Variants in A2ML1 observed in about 807,000 individuals in gnomAD.
A2ML1 encodes the protein alpha-2-macroglobulin-like protein 1.
A2ML1 carries 161 observed loss-of-function variants against 181.9 expected under a neutral mutation model. The observed-to-expected ratio is 0.89, with a 90% confidence interval of 0.78 to 1.01. The LOEUF is 1.01. A2ML1 is among the 50% of genes least tolerant of loss of function. The pLI is 0.00. For missense variants in A2ML1, 1,670 were observed against 1,768.1 expected, an observed-to-expected ratio of 0.94 and a Z score of 1.00; for synonymous variants, 663 against 666.8, an observed-to-expected ratio of 0.99 and a Z score of 0.09.
intron 33 of A2ML1, among the ~76,000 whole-genome samples, chr12:8,870,703 C>G (rs1213117328): frequency 3.3e-5 from 5 of 152,246 alleles, no homozygotes; most frequent in African/African-American, 1.2e-4. Flanking sequence ...TACAGCCACC[C>G]TCCTTAGACA....
At chr12:8,835,688 C>T (rs746957125) in intron 6 of A2ML1, 22 bp downstream of exon 6, 1 of 1,613,532 alleles carries the variant, frequency 6.2e-7, no homozygotes, top group African/African-American at 1.3e-5. Context: ...AATGGACAGG[C>T]CAAAGTATTG....
chr12:8,851,666 A>G, intron 18 of A2ML1, 118 bp from the exon 19 acceptor site: 1 of 938,060 alleles, frequency 1.1e-6, no homozygotes, highest in Non-Finnish European at 1.6e-6. Context: ...TCAGCCTCTC[A>G]AAGAGCTGGG....
exon 8 of A2ML1, chr12:8,886,901 T>A (rs1226311010): frequency 1.3e-5 from 2 of 152,146 alleles, no homozygotes; most frequent in Non-Finnish European, 2.9e-5. Flanking sequence ...CCCAGCACTT[T>A]CGGAGGCCAA....
At chr12:8,844,922 A>G (rs1270859108) in intron 12 of A2ML1, 4 of 1,207,858 alleles carry the variant, frequency 3.3e-6, no homozygotes, top group Non-Finnish European at 4.2e-6. Context: ...CCTGCTTGCA[A>G]ACAAGATCAC....
At chr12:8,887,395 C>G (rs1292286803), downstream of A2ML1, among the ~76,000 whole-genome samples, 7 of 152,264 alleles carry the variant, frequency 4.6e-5, no homozygotes. Context: ...CTGTAAGCTC[C>G]TGTTTTTCTT....
chr12:8,875,749 T>C (rs1314328503), intron 35 of A2ML1: 10 of 148,306 alleles, frequency 6.7e-5, no homozygotes, highest in Non-Finnish European at 1.3e-4. Context: ...TGTCCTAAAC[T>C]CTTGAAAATA....
intron 5 of A2ML1, 122 bp from the exon 6 acceptor site, chr12:8,835,385 C>A (rs1943238377): frequency 8.2e-7 from 1 of 1,214,900 alleles, no homozygotes; most frequent in Non-Finnish European, 1.2e-6. Flanking sequence ...TGGACACAGA[C>A]CACAGGGGTC....
chr12:8,835,002 C>CATTGG lies in A2ML1; in HGVS notation c.483+320_483+321insATTGG, dbSNP rs1943226749. On this transcript the variant is annotated intron_variant, in intron 5 of 35. Transcript: ENST00000299698. ...TACTCCCCTTAGTGTAAGGTAATAG[C>CATTGG]CCTTGCCATAGGCATTCTCAACAGG... is the stretch of plus-strand genomic sequence containing the variant. 3.1e-5 allele frequency: 12 copies of CATTGG among 382,252 alleles called. 1 individual carries two copies. The Admixed American group carries it at 3.4e-4, about 11-fold the overall frequency. 23.7% of individuals were successfully genotyped at this position (382,252 alleles called of 1,614,324 possible).
rs377672586 is a variant in A2ML1, at chr12:8,837,459, A to C, written c.748A>C (p.Met250Leu). The C allele has an allele frequency of 4.3e-6, 7 of 1,613,986 alleles. No individual in the cohort carries two copies. The highest frequency in any genetic ancestry group is 5.9e-6 in the Non-Finnish European group (7 of 1,179,966). Reference protein sequence around the residue: ...ICCRYTYGKPMLGAVQVSVCQ... With the variant: ...ICCRYTYGKPLLGAVQVSVCQ... ...GGTTAGGTACACCTATGGAAAGCCC[A>C]TGCTAGGGGCAGTGCAGGTATCTGT... The change falls in exon 8 of 36, where the codon ATG becomes CTG. Residue 250 changes from methionine (M) to leucine (L), a missense_variant. Transcript: ENST00000299698.
chr12:8,869,169 T>A lies in A2ML1; in HGVS notation c.4187T>A (p.Phe1396Tyr), dbSNP rs781733365. 1 of 1,614,114 alleles carries A rather than the reference T, an allele frequency of 6.2e-7. No homozygotes were observed. Among genetic ancestry groups the A allele is most frequent in the Non-Finnish European group, 8.5e-7 (1 of 1,180,034 alleles). The change falls in exon 33 of 36, where the codon TTT (phenylalanine) becomes TAT (tyrosine). Residue 1396 changes from phenylalanine (F) to tyrosine (Y), a missense_variant. Coordinates refer to ENST00000299698, the MANE Select transcript of A2ML1 (RefSeq NM_144670.6). ...LQQPLVKKVE[F>Y]GTDTLNIYLD... Reference sequence around the variant, plus strand: ...CAACCCCTGGTGAAGAAGGTTGAATTTGGAACTGACACACTTAACATTTAC... The same window carrying A: ...CAACCCCTGGTGAAGAAGGTTGAATATGGAACTGACACACTTAACATTTAC...
At chr12:8,823,070 C>T in intron 1 of A2ML1, 112 bp from the exon 2 acceptor site, 1 of 1,063,182 alleles carries the variant, frequency 9.4e-7, no homozygotes. Flanking sequence ...ATAAGGAAGG[C>T]AGGGGCTTGG....
intron 34 of A2ML1, 114 bp from the exon 35 acceptor site, chr12:8,874,857 T>C: frequency 1.0e-6 from 1 of 974,770 alleles, no homozygotes; most frequent in Non-Finnish European, 1.6e-6. Flanking sequence ...CTGAATATGC[T>C]CATAACCTGT....
chr12:8,832,964 G>A (rs952230890), intron 4 of A2ML1, among the ~76,000 whole-genome samples: 13 of 143,948 alleles, frequency 9.0e-5, no homozygotes, highest in Non-Finnish European at 1.8e-4. Context: ...ACTTCCAGTC[G>A]GAAATGCTAC....
At chr12:8,857,371 A>C (rs781508073) in intron 24 of A2ML1, 31 bp downstream of exon 24, 1 of 1,609,066 alleles carries the variant, frequency 6.2e-7, no homozygotes, top group South Asian at 1.1e-5. Context: ...TTTCTTGAAC[A>C]CTCTCCTCCA....
chr12:8,839,343 T>C, intron 10 of A2ML1, 121 bp downstream of exon 10: 1 of 605,778 alleles, frequency 1.7e-6, no homozygotes, highest in Non-Finnish European at 2.8e-6. Flanking sequence ...TGTGTATTCA[T>C]TTTAATCTTT....
rs140641728 is a variant in A2ML1 at position 8,853,001 on chromosome 12, T to C, written c.2590+665T>C. Among the ~76,000 whole-genome samples the C allele has an allele frequency of 6.8e-4, 103 of 151,426 alleles. 3 individuals are homozygous for C. The East Asian group carries it at 0.018, about 27-fold the overall frequency. On this transcript the variant is annotated intron_variant, in intron 20 of 35. Transcript: ENST00000299698. ...GTGAGCCGCTGCGCCTGGCCTTTTATTTTTTTTTAGAGAGACAAGATCTTA... is the reference window on the plus strand; with the variant it reads ...GTGAGCCGCTGCGCCTGGCCTTTTACTTTTTTTTAGAGAGACAAGATCTTA...
intron 4 of A2ML1, among the ~76,000 whole-genome samples, chr12:8,831,987 T>G (rs1034332920): frequency 6.6e-6 from 1 of 152,170 alleles, no homozygotes; most frequent in African/African-American, 2.4e-5. Context: ...CGACCTCAAG[T>G]GATCCGCCCG....
In A2ML1 at chr12:8,822,703, G is replaced by A; in HGVS notation, c.52G>A (p.Glu18Lys). 1 of 1,614,180 alleles carries A rather than the reference G, an allele frequency of 6.2e-7. No homozygotes were observed. The highest frequency in any genetic ancestry group is 1.1e-5 in the South Asian group (1 of 91,074). ...GMLALSPAIA[E>K]ELPNYLVTLP... ...GTTGGCCCTATCACCAGCCATTGCA[G>A]AAGAACTTCCGTGAGTGCTTGGTGT... Residue 18 changes from glutamate (E) to lysine (K), a missense_variant, in exon 1 of 36, where the codon GAA becomes AAA. Coordinates refer to ENST00000299698, the MANE Select transcript of A2ML1 (RefSeq NM_144670.6).
chr12:8,831,881 C>A (rs1042173240), intron 4 of A2ML1, among the ~76,000 whole-genome samples: 14 of 152,124 alleles, frequency 9.2e-5, no homozygotes, highest in Non-Finnish European at 1.6e-4. Context: ...TCCCAAGTAG[C>A]TGGGATTACA....
Sources: allele counts gnomAD v4.1 joint callset (sites outside exome capture counted in the v4.1 genomes callset), GRCh38; gene constraint gnomAD v4.1.1; transcripts MANE v1.5; gene names NCBI Gene and HGNC (gene_info 2026-07-23, HGNC 2026-07-21).